CEP295: variants seen among roughly 807,000 people sequenced by gnomAD.
CEP295 encodes centrosomal protein 295.
CEP295 carries 190 observed loss-of-function variants against 291.6 expected under a neutral mutation model. The ratio of observed to expected loss-of-function variants is 0.65; its 90% CI spans 0.58 to 0.73. The LOEUF (loss-of-function observed/expected upper bound fraction) is 0.73. Ranked by LOEUF, CEP295 falls within the 30% of genes least tolerant of loss-of-function variation. CEP295 has a pLI of 0.00. For synonymous variants in CEP295, 993 were observed against 1,038.8 expected (o/e 0.96, Z 0.85); for missense variants, 2,863 against 2,949.4 (o/e 0.97, Z 0.68).
chr11:93,723,960 T>A (rs1030603929), intron 21 of CEP295: 11 of 168,350 alleles, frequency 6.5e-5, no homozygotes, highest in East Asian at 3.4e-4. Flanking sequence ...ATCTCTATTT[T>A]AAAAAAAAAT....
Position 93,697,925 on chromosome 11 carries a change from A to T in CEP295, c.3013A>T (p.Thr1005Ser). 6.4e-7 allele frequency: 1 copy of T among 1,551,670 alleles called. No homozygotes were observed. The highest frequency in any genetic ancestry group is 8.7e-7 in the Non-Finnish European group (1 of 1,146,966). Residue 1005 changes from threonine to serine, a missense_variant, in exon 15 of 30, where the codon ACT (threonine) becomes TCT (serine). By Grantham distance (58) the Thr-to-Ser change is moderately conservative. Transcript: ENST00000325212. ...FPFQVAQHTF[T>S]SLPSADTKSG... ...ATTTCAGGTAGCTCAGCATACATTT[A>T]CTTCACTACCATCTGCTGATACAAA...
At position 93,727,008 on chromosome 11, in the gene CEP295, G is replaced by A. The variant is rs1410579821; in HGVS notation, c.6532G>A (p.Glu2178Lys). ...ACAATGTTTTGAACAGCTTCAGCCA[G>A]AATATTCTTCACAGGAGGAGAGCCA... ...SEQCFEQLQP[E>K]YSSQEESQHA... Residue 2178 changes from glutamate (E) to lysine (K), a missense_variant, in exon 24 of 30, where the codon GAA becomes AAA. By Grantham distance (56) the Glu-to-Lys change is moderately conservative (BLOSUM62 1). This residue lies in a region of CEP295 where 2,295 missense variants were observed against 2,335.7 expected (regional missense o/e 0.98). Coordinates refer to ENST00000325212, the MANE Select transcript of CEP295 (RefSeq NM_033395.2). 3 of 1,540,718 alleles carry A rather than the reference G, an allele frequency of 1.9e-6. No homozygotes were observed. The highest frequency in any genetic ancestry group is 1.4e-5 in the African/African-American group (1 of 72,200).
chr11:93,728,655 G>A (rs1264377850), intron 24 of CEP295, 26 bp from the exon 25 acceptor site: 28 of 1,508,836 alleles, frequency 1.9e-5, no homozygotes, highest in Middle Eastern at 1.7e-4. Context: ...TTTTGACATG[G>A]TTTTCCTTTT....
chr11:93,713,280 T>C (rs1953032963), intron 18 of CEP295, among the ~76,000 whole-genome samples: 1 of 152,232 alleles, frequency 6.6e-6, no homozygotes, highest in Non-Finnish European at 1.5e-5. Flanking sequence ...TCTGTGTACT[T>C]ACTATTACCA....
chr11:93,716,934 C>A (rs1451828111), intron 18 of CEP295, among the ~76,000 whole-genome samples: 3 of 152,144 alleles, frequency 2.0e-5, no homozygotes, highest in Admixed American at 1.3e-4. Flanking sequence ...CTTGAAGTTA[C>A]TAGTTACAGA....
At chr11:93,693,675 G>A (rs1401197945) in intron 12 of CEP295, among the ~76,000 whole-genome samples, 1 of 152,110 alleles carries the variant, frequency 6.6e-6, no homozygotes, top group Non-Finnish European at 1.5e-5. Flanking sequence ...AGAATCGCTT[G>A]AACCCAAGAG....
chr11:93,729,834 T>C lies in CEP295; in HGVS notation c.7568-36T>C, dbSNP rs1477161535. 12 of 1,538,514 alleles carry C rather than the reference T, an allele frequency of 7.8e-6. 1 individual carries two copies. The South Asian group carries it at 1.5e-4, about 19-fold the overall frequency. ...CAACTCCCTGAAATGTTTAAAGCCT[T>C]GTGTTTACAACTTGATTTCACTTTT... On this transcript the variant is annotated intron_variant, in intron 27 of 29. Coordinates refer to ENST00000325212, the MANE Select transcript of CEP295 (RefSeq NM_033395.2).
intron 12 of CEP295, among the ~76,000 whole-genome samples, chr11:93,694,366 G>T (rs1399527288): frequency 1.3e-5 from 2 of 152,124 alleles, no homozygotes; most frequent in African/African-American, 4.8e-5. Flanking sequence ...TATACTATGG[G>T]TGAATTTATT....
chr11:93,727,556 C>CA lies in CEP295; in HGVS notation c.7086dup (p.Leu2363ThrfsTer46), dbSNP rs942831652. 1.9e-6 allele frequency: 3 copies of CA among 1,551,236 alleles called. No homozygotes were observed. The highest frequency in any genetic ancestry group is 2.7e-5 in the African/African-American group (2 of 73,000). The stretch of plus-strand genomic sequence containing the variant: ...CTGAAACAGACATTCCAAAAATCAC[C>CA]AAAAAACTATCTCAACTAGGAGAAT... On this transcript the variant is annotated frameshift_variant, in exon 24 of 30. Coordinates refer to ENST00000325212, the MANE Select transcript of CEP295 (RefSeq NM_033395.2). LOFTEE classifies it high-confidence loss of function.
chr11:93,673,289 T>C (rs1950534023), intron 5 of CEP295, among the ~76,000 whole-genome samples: 1 of 152,118 alleles, frequency 6.6e-6, no homozygotes, highest in Non-Finnish European at 1.5e-5. Context: ...GTCTCAAATA[T>C]ATATATGTAT....
intron 19 of CEP295, 123 bp from the exon 20 acceptor site, chr11:93,721,831 G>GT (rs1165932040): frequency 1.3e-6 from 1 of 746,204 alleles, no homozygotes; most frequent in Non-Finnish European, 2.4e-6. Flanking sequence ...ACTGATCTTT[G>GT]TAACTATGAT....
intron 18 of CEP295, among the ~76,000 whole-genome samples, chr11:93,712,561 A>G (rs113203217): frequency 5.3e-5 from 8 of 152,244 alleles, no homozygotes; most frequent in East Asian, 1.9e-4. Context: ...GCCAAAGTCT[A>G]TTATTTCTGA....
At chr11:93,724,496 G>T in intron 22 of CEP295, 121 bp downstream of exon 22, 1 of 988,710 alleles carries the variant, frequency 1.0e-6, no homozygotes. Context: ...TCTGGGCACA[G>T]TGGCTCACAC....
chr11:93,725,548 A>C, intron 22 of CEP295, 103 bp from the exon 23 acceptor site: 1 of 903,018 alleles, frequency 1.1e-6, no homozygotes. Context: ...GTCATAGTGA[A>C]GTGATAATTA....
At position 93,687,713 on chromosome 11, in the gene CEP295, G is replaced by C; in HGVS notation, c.1184G>C (p.Arg395Pro). The change falls in exon 10 of 30, where the codon CGA becomes CCA. Residue 395 changes from arginine to proline, a missense_variant. Transcript: ENST00000325212. ...VLFKKLLNKI[R>P]SQKSLWTIKS... The stretch of plus-strand genomic sequence containing the variant: ...TTTAAAAAATTATTAAATAAGATCC[G>C]AAGCCAAAAATCTCTCTGGACAATT... 1 of 1,548,258 alleles carries C rather than the reference G, an allele frequency of 6.5e-7. No homozygotes were observed. Among genetic ancestry groups the C allele is most frequent in the Non-Finnish European group, 8.7e-7 (1 of 1,144,568 alleles).
Position 93,669,748 on chromosome 11 carries a change from C to G in CEP295, c.506C>G (p.Pro169Arg). ...ERSAKITSLP[P>R]PPPTLFENIE... The stretch of plus-strand genomic sequence containing the variant: ...TCAGCCAAAATTACAAGTCTGCCAC[C>G]TCCTCCTCCAACTCTTTTTGAGGTG... Residue 169 changes from proline to arginine, a missense_variant, in exon 5 of 30, where the codon CCT becomes CGT. Coordinates refer to ENST00000325212, the MANE Select transcript of CEP295 (RefSeq NM_033395.2). 1 of 1,549,770 alleles carries G rather than the reference C, an allele frequency of 6.5e-7. No homozygotes were observed. The highest frequency in any genetic ancestry group is 2.4e-5 in the East Asian group (1 of 40,830).
chr11:93,679,121 G>C (rs1031763091), intron 6 of CEP295, among the ~76,000 whole-genome samples: 7 of 152,160 alleles, frequency 4.6e-5, no homozygotes, highest in African/African-American at 1.7e-4. Context: ...GGAATTACAG[G>C]CATGCGCCAC....
chr11:93,730,162 A>AG lies in CEP295; in HGVS notation c.7767+17dup. 2 of 1,550,940 alleles carry AG rather than the reference A, an allele frequency of 1.3e-6. No individual in the cohort carries two copies. The highest frequency in any genetic ancestry group is 1.2e-5 in the South Asian group (1 of 84,012). On this transcript the variant is annotated intron_variant, in intron 29 of 29. Coordinates refer to ENST00000325212, the MANE Select transcript of CEP295 (RefSeq NM_033395.2). ...GAATTCCATAAGGTGAGTATAACTG[A>AG]GGGAGAAGGACTTAATTTTTCAAGC...
chr11:93,729,513 C>A lies in CEP295; in HGVS notation c.7382C>A (p.Pro2461Gln). The change falls in exon 26 of 30, where the codon CCA becomes CAA. Residue 2461 changes from proline to glutamine, a missense_variant. By Grantham distance (76) the Pro-to-Gln change is moderately conservative (BLOSUM62 -1). Transcript: ENST00000325212. ...PAVSELSIEK[P>Q]RTASTETPRR... ...GTATCAGAACTTTCCATAGAAAAAC[C>A]AAGGACAGCATCTACAGGTAAGCCT... 2 of 1,551,696 alleles carry A rather than the reference C, an allele frequency of 1.3e-6. No individual in the cohort carries two copies. Among genetic ancestry groups the A allele is most frequent in the Non-Finnish European group, 1.7e-6 (2 of 1,146,854 alleles).
Sources: allele counts gnomAD v4.1 joint callset (sites outside exome capture counted in the v4.1 genomes callset), GRCh38; gene constraint gnomAD v4.1.1; regional missense constraint gnomAD v4.1.1; transcripts MANE v1.5; gene names NCBI Gene and HGNC (gene_info 2026-07-23, HGNC 2026-07-21).